Variants in TAFA2 observed in about 807,000 individuals in gnomAD.
TAFA2 encodes TAFA chemokine like family member 2, also known as chemokine-like protein TAFA-2.
Under a neutral mutation model 18.8 loss-of-function variants are expected in TAFA2, and 7 were observed. The observed-to-expected ratio is 0.37, with a 90% CI of 0.21 to 0.70. The LOEUF (loss-of-function observed/expected upper bound fraction) is 0.70, where lower values mean the gene tolerates loss of function less well. Ranked by LOEUF, TAFA2 falls within the 30% of genes least tolerant of loss-of-function variation. TAFA2 has a pLI of 0.53. For synonymous variants in TAFA2, 60 were observed against 54.2 expected (o/e 1.11, Z -0.47); for missense variants, 122 against 158.1 (o/e 0.77, Z 1.23).
intron 2 of TAFA2, among the ~76,000 whole-genome samples, chr12:61,860,469 A>C (rs1328776332): frequency 6.6e-6 from 1 of 152,174 alleles, no homozygotes; most frequent in African/African-American, 2.4e-5. Context: ...AGCCCAAGAG[A>C]TCCTTCTAAT....
At chr12:62,050,099 T>C (rs935724274) in intron 1 of TAFA2, among the ~76,000 whole-genome samples, 12 of 152,184 alleles carry the variant, frequency 7.9e-5, no homozygotes, top group South Asian at 4.1e-4. Context: ...ATCTATCCCC[T>C]GTACCTGCAA....
chr12:61,990,735 G>T (rs914225646), intron 1 of TAFA2, among the ~76,000 whole-genome samples: 9 of 152,154 alleles, frequency 5.9e-5, no homozygotes, highest in African/African-American at 2.2e-4. Context: ...GTAGTGCTTA[G>T]CAAACAATAA....
At chr12:61,920,854 G>GA (rs142889418) in intron 1 of TAFA2, among the ~76,000 whole-genome samples, 3,734 of 146,412 alleles carry the variant, frequency 0.026, 155 homozygotes, top group African/African-American at 0.086. Context: ...GCTCTGGGGA[G>GA]AAAAAAAAAA....
At chr12:61,994,289 C>A (rs556987045) in intron 1 of TAFA2, among the ~76,000 whole-genome samples, 3 of 152,254 alleles carry the variant, frequency 2.0e-5, no homozygotes, top group Non-Finnish European at 4.4e-5. Context: ...TTCAAGCCTG[C>A]TTTTCCTTCT....
chr12:61,951,130 C>T (rs1296476617), intron 1 of TAFA2, among the ~76,000 whole-genome samples: 1 of 152,002 alleles, frequency 6.6e-6, no homozygotes, highest in Admixed American at 6.6e-5. Flanking sequence ...GAAGTGAGAC[C>T]TAATAAAAAG....
Position 61,908,329 on chromosome 12 carries a change from A to G in TAFA2, c.-1-40903T>C, listed in dbSNP as rs61115695. Among the ~76,000 whole-genome samples, 871 of 152,232 alleles carry G rather than the reference A, an allele frequency of 5.7e-3. 6 individuals are homozygous for G. Among genetic ancestry groups the G allele is most frequent in the African/African-American group, 0.019 (787 of 41,540 alleles). On this transcript the variant is annotated intron_variant, in intron 1 of 4. Coordinates refer to ENST00000416284, the MANE Select transcript of TAFA2 (RefSeq NM_178539.5). ...TTTCTCATGATAGTGAATAAATGCC[A>G]TGAAATCTGATGGTTTTATAAAAGG... is the stretch of plus-strand genomic sequence containing the variant.
At chr12:62,010,200 T>G (rs1880687746) in intron 1 of TAFA2, among the ~76,000 whole-genome samples, 1 of 133,730 alleles carries the variant, frequency 7.5e-6, no homozygotes. Flanking sequence ...TTATTTGGTC[T>G]CCCTCTGTTA....
intron 1 of TAFA2, chr12:62,235,453 C>A: frequency 1.6e-6 from 1 of 626,528 alleles, no homozygotes; most frequent in Admixed American, 2.5e-5. Flanking sequence ...CCTGGTGCGC[C>A]GCCTGCCACT....
intron 1 of TAFA2, among the ~76,000 whole-genome samples, chr12:62,102,218 G>GA: frequency 6.6e-6 from 1 of 152,232 alleles, no homozygotes; most frequent in East Asian, 1.9e-4. Context: ...AGATTCACTA[G>GA]AATGTTATTT....
At chr12:61,820,538 AG>A (rs1423235647) in intron 2 of TAFA2, among the ~76,000 whole-genome samples, 18 of 151,912 alleles carry the variant, frequency 1.2e-4, no homozygotes, top group Non-Finnish European at 2.7e-4. Context: ...AGGAGGAGAA[AG>A]AAAGGAAGGA....
Position 61,753,681 on chromosome 12 carries a change from C to G in TAFA2, c.325G>C (p.Val109Leu), listed in dbSNP as rs765720603. 2 of 1,612,292 alleles carry G rather than the reference C, an allele frequency of 1.2e-6. No homozygotes were observed. Among genetic ancestry groups the G allele is most frequent in the South Asian group, 2.2e-5 (2 of 90,996 alleles). The stretch of plus-strand genomic sequence containing the variant: ...CTCCATCCTTTCCGATCCGGAAGAA[C>G]TTTACATTCTTCTCCCTCTAGACAT... ...QPCLEGEECK[V>L]LPDRKGWSCS... The change falls in exon 4 of 5, where the codon GTT becomes CTT. Residue 109 changes from valine (V) to leucine (L), a missense_variant. Coordinates refer to ENST00000416284, the MANE Select transcript of TAFA2 (RefSeq NM_178539.5).
intron 1 of TAFA2, among the ~76,000 whole-genome samples, chr12:62,186,101 CTTGTT>C (rs2062583964): frequency 6.6e-6 from 1 of 152,098 alleles, no homozygotes; most frequent in South Asian, 2.1e-4. Flanking sequence ...TTTTCAAAGA[CTTGTT>C]TATAAAGAGC....
rs141071671 is a variant in TAFA2, at chr12:62,151,276, A to C, written c.-2+39983T>G. The stretch of plus-strand genomic sequence containing the variant: ...GCTTCCTCCTGATGTGCCTCTAAGA[A>C]GCAGAATGCAGCCCATGCTGAAGGC... On this transcript the variant is annotated intron_variant, in intron 1 of 4. Transcript: ENST00000416284. 1.2e-3 allele frequency among the ~76,000 whole-genome samples: 184 copies of C among 149,226 alleles called. 1 individual carries two copies. Among genetic ancestry groups the C allele is most frequent in the East Asian group, 3.5e-3 (18 of 5,174 alleles).
rs143087857 is a variant in TAFA2, at chr12:61,939,916, T to A, written c.-1-72490A>T. The stretch of plus-strand genomic sequence containing the variant: ...TTGCCTTCTTTAAAATAGAACAGCT[T>A]ACCTGCTTCCACCTACAGAGAAACA... On this transcript the variant is annotated intron_variant, in intron 1 of 4. Coordinates refer to ENST00000416284, the MANE Select transcript of TAFA2 (RefSeq NM_178539.5). 8.6e-3 allele frequency among the ~76,000 whole-genome samples: 1,305 copies of A among 152,330 alleles called. 10 individuals are homozygous for A. Among genetic ancestry groups the A allele is most frequent in the Non-Finnish European group, 0.013 (869 of 68,026 alleles).
chr12:62,017,084 T>C (rs902572029), intron 1 of TAFA2, among the ~76,000 whole-genome samples: 5 of 152,168 alleles, frequency 3.3e-5, no homozygotes, highest in African/African-American at 9.7e-5. Context: ...CAGCTAATCT[T>C]CACAAGCCCT....
At chr12:62,201,529 A>G (rs928434443) in intron 1 of TAFA2, among the ~76,000 whole-genome samples, 2 of 152,154 alleles carry the variant, frequency 1.3e-5, no homozygotes, top group African/African-American at 2.4e-5. Context: ...TGTTTATGTG[A>G]TGAATTATGT....
intron 1 of TAFA2, among the ~76,000 whole-genome samples, chr12:62,153,830 T>C (rs1402338609): frequency 2.0e-5 from 3 of 152,154 alleles, no homozygotes; most frequent in African/African-American, 7.2e-5. Context: ...AGATATAAAG[T>C]TTACACCTAT....
intron 1 of TAFA2, among the ~76,000 whole-genome samples, chr12:61,992,640 C>T (rs1880050544): frequency 6.6e-6 from 1 of 152,144 alleles, no homozygotes; most frequent in Non-Finnish European, 1.5e-5. Flanking sequence ...TCACCATATA[C>T]CTAAGGCACT....
At chr12:61,979,131 C>T (rs1326318888) in intron 1 of TAFA2, among the ~76,000 whole-genome samples, 1 of 152,112 alleles carries the variant, frequency 6.6e-6, no homozygotes, top group African/African-American at 2.4e-5. Context: ...CTTTTGCTAT[C>T]CAATAATAAC....
Sources: gnomAD v4.1 joint callset for allele counts (sites outside exome capture counted in the v4.1 genomes callset) on GRCh38, gnomAD v4.1.1 for gene constraint, MANE v1.5 for transcripts, NCBI Gene and HGNC (gene_info 2026-07-23, HGNC 2026-07-21) for gene names.